ROBO2: variants seen among roughly 807,000 people sequenced by gnomAD.
ROBO2 encodes roundabout guidance receptor 2.
In ROBO2, 53 loss-of-function variants were observed where a neutral mutation model predicts 160.8. The ratio of observed to expected loss-of-function variants is 0.33; its 90% CI spans 0.26 to 0.41. The LOEUF is 0.41. Ranked by LOEUF, ROBO2 falls within the 10% of genes least tolerant of loss-of-function variation. ROBO2 has a pLI of 1.00. For missense variants in ROBO2, 1,577 were observed against 1,722.4 expected, an observed-to-expected ratio of 0.92 and a Z score of 1.49; for synonymous variants, 664 against 611.7, an observed-to-expected ratio of 1.09 and a Z score of -1.26.
chr3:76,392,429 A>G lies in ROBO2; in HGVS notation c.109+454827A>G, dbSNP rs568416459. Among the ~76,000 whole-genome samples the G allele has an allele frequency of 6.6e-5, 10 of 152,310 alleles. 1 individual carries two copies. In the South Asian group the frequency reaches 2.1e-3, roughly 32 times the overall value. ...TTTTGGTTTATAAAAGCTATCATAG[A>G]CATTAATAACGTCACATATAAATTC... On this transcript the variant is annotated intron_variant, in intron 2 of 26. Coordinates refer to the ROBO2 transcript ENST00000487694.
intron 2 of ROBO2, among the ~76,000 whole-genome samples, chr3:76,297,223 G>T (rs1353073941): frequency 6.6e-6 from 1 of 152,142 alleles, no homozygotes; most frequent in African/African-American, 2.4e-5. Flanking sequence ...GGAAATTAAA[G>T]CTGCAAACAA....
chr3:77,330,034 C>T (rs2065822433), intron 2 of ROBO2, among the ~76,000 whole-genome samples: 1 of 152,052 alleles, frequency 6.6e-6, no homozygotes, highest in Non-Finnish European at 1.5e-5. Flanking sequence ...TCTACTTTTC[C>T]TTTTTTTCTT....
chr3:77,642,982 C>T (rs1211925631), intron 24 of ROBO2, 39 bp downstream of exon 26: 1 of 449,090 alleles, frequency 2.2e-6, no homozygotes, highest in African/African-American at 2.0e-5. Context: ...TGGACTGTTA[C>T]CATTTCTTTT....
At chr3:76,892,567 G>A (rs1451918027) in intron 2 of ROBO2, among the ~76,000 whole-genome samples, 1 of 151,910 alleles carries the variant, frequency 6.6e-6, no homozygotes, top group African/African-American at 2.4e-5. Context: ...GATTTCCCTG[G>A]TCCAACGTAA....
intron 2 of ROBO2, among the ~76,000 whole-genome samples, chr3:76,654,220 A>G (rs1393255762): frequency 6.6e-6 from 1 of 152,160 alleles, no homozygotes; most frequent in Non-Finnish European, 1.5e-5. Flanking sequence ...GGGCCACAAC[A>G]ATCATCACCA....
chr3:76,275,762 A>G (rs1269687045), intron 2 of ROBO2, among the ~76,000 whole-genome samples: 1 of 152,142 alleles, frequency 6.6e-6, no homozygotes, highest in Non-Finnish European at 1.5e-5. Context: ...AACATTTTCA[A>G]TACATACTTT....
chr3:75,920,157 T>G (rs191773764), intron 1 of ROBO2, among the ~76,000 whole-genome samples: 1 of 152,222 alleles, frequency 6.6e-6, no homozygotes, highest in Non-Finnish European at 1.5e-5. Flanking sequence ...CTTTCTGATA[T>G]GGGCATTTAA....
intron 2 of ROBO2, among the ~76,000 whole-genome samples, chr3:76,915,875 G>C (rs2076273855): frequency 6.6e-6 from 1 of 152,158 alleles, no homozygotes; most frequent in Non-Finnish European, 1.5e-5. Flanking sequence ...AGCAAATCCA[G>C]TGTGTGGTGA....
chr3:77,185,997 G>A (rs2081250041), intron 2 of ROBO2, among the ~76,000 whole-genome samples: 3 of 151,890 alleles, frequency 2.0e-5, no homozygotes. Context: ...AAAGGCATAA[G>A]AATGACACAA....
chr3:77,368,461 C>T (rs949253585), intron 2 of ROBO2, among the ~76,000 whole-genome samples: 3 of 152,076 alleles, frequency 2.0e-5, no homozygotes, highest in African/African-American at 7.2e-5. Flanking sequence ...AAAACTTGAG[C>T]ACCAAATTTG....
chr3:77,018,583 A>G (rs2062428977), intron 2 of ROBO2, among the ~76,000 whole-genome samples: 1 of 152,226 alleles, frequency 6.6e-6, no homozygotes, highest in Non-Finnish European at 1.5e-5. Context: ...ACAACAGGTT[A>G]TTAAAATATT....
chr3:76,428,290 A>G (rs1400842383), intron 2 of ROBO2, among the ~76,000 whole-genome samples: 2 of 152,186 alleles, frequency 1.3e-5, no homozygotes, highest in East Asian at 3.9e-4. Flanking sequence ...ATAATTGTTT[A>G]ACCCTGTGGA....
chr3:76,907,050 T>C (rs910719131), intron 2 of ROBO2, among the ~76,000 whole-genome samples: 1 of 152,208 alleles, frequency 6.6e-6, no homozygotes, highest in South Asian at 2.1e-4. Flanking sequence ...TTTGTTTGTC[T>C]GTTTTGTTAA....
intron 2 of ROBO2, among the ~76,000 whole-genome samples, chr3:76,879,067 C>T (rs976675405): frequency 5.9e-5 from 9 of 152,102 alleles, no homozygotes; most frequent in Non-Finnish European, 2.9e-5. Context: ...AAATGTCAAT[C>T]GGAGAAACCC....
intron 2 of ROBO2, among the ~76,000 whole-genome samples, chr3:76,394,437 T>C (rs1039514862): frequency 3.3e-5 from 5 of 152,244 alleles, no homozygotes; most frequent in Middle Eastern, 3.4e-3. Context: ...TTTAAGAATG[T>C]TGAATATCGG....
chr3:77,195,265 T>A (rs2082212895), intron 2 of ROBO2, among the ~76,000 whole-genome samples: 1 of 152,222 alleles, frequency 6.6e-6, no homozygotes, highest in African/African-American at 2.4e-5. Context: ...GTAGAACATT[T>A]TATTATCTTG....
At chr3:75,938,538 T>C (rs1947898587) in intron 2 of ROBO2, among the ~76,000 whole-genome samples, 1 of 152,034 alleles carries the variant, frequency 6.6e-6, no homozygotes, top group African/African-American at 2.4e-5. Context: ...GTTCACAGAG[T>C]TTATTTCAAG....
At chr3:77,618,096 T>C (rs888981531) in intron 22 of ROBO2, 2 of 345,752 alleles carry the variant, frequency 5.8e-6, no homozygotes, top group African/African-American at 4.2e-5. Flanking sequence ...CAGAATCTTT[T>C]CTAATTTATG....
rs566961459 is a variant in ROBO2, at chr3:76,206,048, C to T, written c.109+268446C>T. ...AGAGAGGTGGCTGTCCCTCTAGTCC[C>T]CCTGGAGCCCAGTTATTGTTCAAAT... On this transcript the variant is annotated intron_variant, in intron 2 of 26. Transcript: ENST00000487694. Among the ~76,000 whole-genome samples the T allele has an allele frequency of 3.9e-5, 6 of 152,234 alleles. No homozygotes were observed. In the East Asian group the frequency reaches 1.2e-3, roughly 30 times the overall value.
Sources: allele counts gnomAD v4.1 joint callset (sites outside exome capture counted in the v4.1 genomes callset), GRCh38; gene constraint gnomAD v4.1.1; transcripts MANE v1.5; gene names NCBI Gene and HGNC (gene_info 2026-07-23, HGNC 2026-07-21).